Variants in LGR6 observed in about 807,000 individuals in gnomAD.
LGR6 encodes leucine rich repeat containing G protein-coupled receptor 6.
Under a neutral mutation model 69.4 loss-of-function variants are expected in LGR6, and 45 were observed. That is an observed-to-expected ratio of 0.65 (90% confidence interval 0.51 to 0.83). The LOEUF (loss-of-function observed/expected upper bound fraction) is 0.83, where lower values mean the gene tolerates loss of function less well. Ranked by LOEUF, LGR6 falls within the 40% of genes least tolerant of loss-of-function variation. LGR6 has a pLI of 0.00. For synonymous variants in LGR6, 538 were observed against 555.0 expected (o/e 0.97, Z 0.43); for missense variants, 1,108 against 1,246.7 (o/e 0.89, Z 1.68).
chr1:202,313,675 T>C (rs1010224774), intron 16 of LGR6, among the ~76,000 whole-genome samples: 1 of 152,238 alleles, frequency 6.6e-6, no homozygotes, highest in Non-Finnish European at 1.5e-5. Flanking sequence ...TTAACCCTTA[T>C]TGTTCAGTGA....
intron 16 of LGR6, 143 bp downstream of exon 16, chr1:202,310,500 T>C: frequency 1.3e-6 from 1 of 757,636 alleles, no homozygotes; most frequent in Non-Finnish European, 2.1e-6. Context: ...GCCTGTGACC[T>C]GGGAGGAAAC....
At chr1:202,314,932 C>A in intron 17 of LGR6, 50 bp downstream of exon 17, 2 of 1,339,724 alleles carry the variant, frequency 1.5e-6, no homozygotes, top group Non-Finnish European at 2.1e-6. Context: ...AGAAAGGGCA[C>A]CCAACCACCT....
At chr1:202,301,693 A>G (rs1402864705) in intron 9 of LGR6, among the ~76,000 whole-genome samples, 2 of 152,000 alleles carry the variant, frequency 1.3e-5, no homozygotes, top group East Asian at 1.9e-4. Flanking sequence ...CTTATTCTCT[A>G]ATTTCCAGCC....
intron 1 of LGR6, among the ~76,000 whole-genome samples, chr1:202,206,658 T>C (rs1659243388): frequency 6.6e-6 from 1 of 151,994 alleles, no homozygotes; most frequent in Non-Finnish European, 1.5e-5. Flanking sequence ...CAAGTGATCC[T>C]CCCACTTCAG....
At position 202,248,979 on chromosome 1, in the gene LGR6, T is replaced by C. The variant is rs1662993885; in HGVS notation, c.428+12986T>C. ...AGAGGAGAGAAGGCAGGAGTTGGAA[T>C]GAAGGGAAAGAGGAAAGAAACTTTC... On this transcript the variant is annotated intron_variant, in intron 4 of 17. Transcript: ENST00000367278. Among the ~76,000 whole-genome samples the C allele has an allele frequency of 2.0e-5, 3 of 152,064 alleles. No homozygotes were observed. In the South Asian group the frequency reaches 6.2e-4, roughly 32 times the overall value.
chr1:202,197,355 G>A (rs1571799888), intron 1 of LGR6: 3 of 529,616 alleles, frequency 5.7e-6, no homozygotes, highest in Non-Finnish European at 7.7e-6. Flanking sequence ...CTCAATGCCA[G>A]CCCTGTTTGA....
intron 17 of LGR6, among the ~76,000 whole-genome samples, chr1:202,315,472 TTCTC>T (rs902401063): frequency 1.6e-4 from 24 of 152,224 alleles, no homozygotes; most frequent in African/African-American, 5.8e-4. Flanking sequence ...AAAAAGAAAA[TTCTC>T]TTTCTCTTTG....
At chr1:202,292,530 TTGTTTTTGGCC>T (rs139539879) in intron 6 of LGR6, among the ~76,000 whole-genome samples, 3,086 of 152,218 alleles carry the variant, frequency 0.02, 127 homozygotes, top group African/African-American at 0.071. Flanking sequence ...CAGGGCCTCA[TTGTTTTTGGCC>T]TGTAGCTGGT....
chr1:202,220,175 C>T (rs925239454), intron 1 of LGR6, among the ~76,000 whole-genome samples: 6 of 151,940 alleles, frequency 3.9e-5, no homozygotes, highest in African/African-American at 7.3e-5. Flanking sequence ...CCACCGCGCC[C>T]GGCCAGCACT....
chr1:202,233,377 A>G (rs912832359), intron 3 of LGR6, among the ~76,000 whole-genome samples: 2 of 152,124 alleles, frequency 1.3e-5, no homozygotes, highest in Non-Finnish European at 2.9e-5. Flanking sequence ...GCCTGTGAAG[A>G]GGCATGAGCA....
At chr1:202,281,218 G>A (rs1665980283) in intron 6 of LGR6, among the ~76,000 whole-genome samples, 1 of 152,170 alleles carries the variant, frequency 6.6e-6, no homozygotes, top group Admixed American at 6.5e-5. Flanking sequence ...GCATGGGGGT[G>A]GGGCTGGGGC....
chr1:202,281,154 A>C, intron 6 of LGR6: 1 of 361,226 alleles, frequency 2.8e-6, no homozygotes, highest in Non-Finnish European at 5.0e-6. Context: ...CTGGACAGAA[A>C]TGGGAACTGC....
At chr1:202,317,437 C>T (rs773927291) in intron 17 of LGR6, among the ~76,000 whole-genome samples, 4 of 152,088 alleles carry the variant, frequency 2.6e-5, no homozygotes, top group Admixed American at 6.5e-5. Flanking sequence ...CTCCGTCCCC[C>T]GGGTTCAAGT....
intron 5 of LGR6, among the ~76,000 whole-genome samples, chr1:202,278,494 G>T (rs926974453): frequency 6.6e-6 from 1 of 152,128 alleles, no homozygotes; most frequent in Non-Finnish European, 1.5e-5. Context: ...CGGGAGCAAA[G>T]CTGATAGAGA....
intron 1 of LGR6, among the ~76,000 whole-genome samples, chr1:202,219,683 A>G (rs1457575083): frequency 3.9e-5 from 6 of 152,096 alleles, no homozygotes; most frequent in African/African-American, 1.2e-4. Flanking sequence ...TCATTTGGAT[A>G]TTTATTGAGC....
intron 4 of LGR6, among the ~76,000 whole-genome samples, chr1:202,253,365 C>T (rs1018521199): frequency 2.6e-5 from 4 of 151,404 alleles, no homozygotes; most frequent in African/African-American, 2.4e-5. Context: ...GGCAGTGGCG[C>T]GATCTCGGCT....
At chr1:202,200,696 T>C (rs1658806624) in intron 1 of LGR6, among the ~76,000 whole-genome samples, 1 of 151,996 alleles carries the variant, frequency 6.6e-6, no homozygotes, top group African/African-American at 2.4e-5. Context: ...AAAAATGGAG[T>C]GATCTCCAGT....
intron 7 of LGR6, among the ~76,000 whole-genome samples, chr1:202,298,157 A>T (rs2148248171): frequency 6.6e-6 from 1 of 152,366 alleles, no homozygotes; most frequent in East Asian, 1.9e-4. Flanking sequence ...TAGGTAAAAC[A>T]GGGAGCAGGA....
intron 1 of LGR6, among the ~76,000 whole-genome samples, chr1:202,223,233 G>A (rs1660291084): frequency 1.3e-5 from 2 of 152,236 alleles, no homozygotes; most frequent in Admixed American, 1.3e-4. Flanking sequence ...CTGCAGGGGA[G>A]CAGGGAGGGA....
Sources: allele counts gnomAD v4.1 joint callset (sites outside exome capture counted in the v4.1 genomes callset), GRCh38; gene constraint gnomAD v4.1.1; transcripts MANE v1.5; gene names NCBI Gene and HGNC (gene_info 2026-07-23, HGNC 2026-07-21).